Variants in SPON1 observed in about 807,000 individuals in gnomAD.
The protein encoded by SPON1 is spondin 1, also known as spondin-1.
SPON1 carries 52 observed loss-of-function variants against 111.7 expected under a neutral mutation model. The ratio of observed to expected loss-of-function variants is 0.47; its 90% CI spans 0.37 to 0.59. SPON1 has a LOEUF of 0.59. Ranked by LOEUF, SPON1 falls within the 20% of genes least tolerant of loss-of-function variation. The pLI is 0.00. For missense variants in SPON1, 957 were observed against 1,068.5 expected, an observed-to-expected ratio of 0.90 and a Z score of 1.46; for synonymous variants, 410 against 395.8, an observed-to-expected ratio of 1.04 and a Z score of -0.43.
At chr11:14,034,935 C>A (rs1003673518) in intron 2 of SPON1, among the ~76,000 whole-genome samples, 27 of 152,226 alleles carry the variant, frequency 1.8e-4, no homozygotes, top group South Asian at 4.1e-4. Flanking sequence ...TGCCAAAGTT[C>A]TCTGCGACCA....
At chr11:14,077,948 G>A (rs1263493738) in intron 4 of SPON1, among the ~76,000 whole-genome samples, 1 of 152,190 alleles carries the variant, frequency 6.6e-6, no homozygotes, top group Non-Finnish European at 1.5e-5. Context: ...TACAGGAAGA[G>A]AGTTGCAAAG....
At chr11:13,992,804 G>C (rs1054508243) in intron 2 of SPON1, among the ~76,000 whole-genome samples, 6 of 151,968 alleles carry the variant, frequency 3.9e-5, no homozygotes, top group Non-Finnish European at 7.4e-5. Flanking sequence ...TTGTGTAGGG[G>C]AGAAAATTCC....
intron 2 of SPON1, among the ~76,000 whole-genome samples, chr11:14,021,937 A>G (rs1174390997): frequency 2.0e-5 from 3 of 152,130 alleles, no homozygotes; most frequent in Admixed American, 6.5e-5. Context: ...TAATTAACTC[A>G]CCCACATTTC....
intron 3 of SPON1, among the ~76,000 whole-genome samples, chr11:14,064,855 C>T (rs1323033845): frequency 6.6e-6 from 1 of 152,122 alleles, no homozygotes; most frequent in Admixed American, 6.5e-5. Flanking sequence ...TGTGTGTGTC[C>T]TTCCTTAGGG....
At chr11:14,208,183 A>G (rs868918561) in intron 6 of SPON1, among the ~76,000 whole-genome samples, 4 of 152,114 alleles carry the variant, frequency 2.6e-5, no homozygotes, top group Non-Finnish European at 5.9e-5. Flanking sequence ...GAGGGGAACA[A>G]TGCATGCTGG....
chr11:14,240,059 C>T (rs1848908853), intron 6 of SPON1, among the ~76,000 whole-genome samples: 1 of 152,186 alleles, frequency 6.6e-6, no homozygotes, highest in Non-Finnish European at 1.5e-5. Context: ...GAGTCTTCAT[C>T]ACAGCATCAT....
At chr11:14,023,827 C>A (rs569451794) in intron 2 of SPON1, among the ~76,000 whole-genome samples, 6 of 152,158 alleles carry the variant, frequency 3.9e-5, no homozygotes, top group African/African-American at 1.4e-4. Flanking sequence ...CATGGTGAAA[C>A]CCCATCTCTA....
chr11:14,031,489 TTTCTG>T, intron 2 of SPON1, among the ~76,000 whole-genome samples: 1 of 152,278 alleles, frequency 6.6e-6, no homozygotes, highest in Non-Finnish European at 1.5e-5. Context: ...TCAAATTATG[TTTCTG>T]TTAAGTTCAG....
At chr11:14,168,547 C>G (rs1226173316) in intron 6 of SPON1, among the ~76,000 whole-genome samples, 2 of 151,892 alleles carry the variant, frequency 1.3e-5, no homozygotes, top group Non-Finnish European at 2.9e-5. Context: ...TACATGTGCA[C>G]AACGTGCAGG....
At position 13,963,042 on chromosome 11, in the gene SPON1, T is replaced by C; in HGVS notation, c.138T>C (p.Arg46=). The change falls in exon 1 of 16, where the codon CGT becomes CGC. Residue 46 remains arginine (R), a synonymous_variant. Coordinates refer to ENST00000576479, the MANE Select transcript of SPON1 (RefSeq NM_006108.4). ...CCAAGTCAGAGGGCTACTGCAGCCGTATCCTGCGCGCCCAGGGCACGCGGC... is the reference window on the plus strand; with the variant it reads ...CCAAGTCAGAGGGCTACTGCAGCCGCATCCTGCGCGCCCAGGGCACGCGGC... ...KVPKSEGYCS[R]ILRAQGTRRE... The C allele has an allele frequency of 6.3e-7, 1 of 1,583,672 alleles. No homozygotes were observed. The highest frequency in any genetic ancestry group is 8.6e-7 in the Non-Finnish European group (1 of 1,166,238).
intron 6 of SPON1, among the ~76,000 whole-genome samples, chr11:14,177,007 C>T (rs1350995838): frequency 1.3e-5 from 2 of 152,114 alleles, no homozygotes; most frequent in African/African-American, 4.8e-5. Context: ...AAATCAGTCT[C>T]CCTGAGCATC....
At chr11:14,240,601 G>GTA (rs1315989470) in intron 6 of SPON1, among the ~76,000 whole-genome samples, 2 of 149,282 alleles carry the variant, frequency 1.3e-5, no homozygotes, top group Non-Finnish European at 3.0e-5. Context: ...GTGTGTGTGT[G>GTA]TGTGTGTGTG....
intron 2 of SPON1, among the ~76,000 whole-genome samples, chr11:13,986,421 T>TTA (rs1195341095): frequency 6.6e-6 from 1 of 152,158 alleles, no homozygotes; most frequent in Non-Finnish European, 1.5e-5. Context: ...TATGATATTG[T>TTA]TATATATATA....
chr11:14,153,798 TA>T (rs528631238), intron 6 of SPON1, among the ~76,000 whole-genome samples: 1 of 151,874 alleles, frequency 6.6e-6, no homozygotes, highest in African/African-American at 2.4e-5. Flanking sequence ...GTGTGTAAAA[TA>T]AAAAAACAAG....
intron 6 of SPON1, among the ~76,000 whole-genome samples, chr11:14,143,169 T>A (rs1219997072): frequency 6.6e-6 from 1 of 152,224 alleles, no homozygotes; most frequent in Non-Finnish European, 1.5e-5. Context: ...CTGCATCAGA[T>A]ATCTACCCTT....
At position 14,259,281 on chromosome 11, in the gene SPON1, C is replaced by G. The variant is rs201172887; in HGVS notation, c.1494C>G (p.Asp498Glu). 6.2e-7 allele frequency: 1 copy of G among 1,609,830 alleles called. No individual in the cohort carries two copies. Among genetic ancestry groups the G allele is most frequent in the African/African-American group, 1.3e-5 (1 of 74,990 alleles). ...PCMGPGCSDE[D>E]GSTCTMSEWI... ...CAGCGTTCACTCGGTGTGTTGCAGA[C>G]GGCTCCACCTGCACCATGTCCGAGT... The change falls in exon 12 of 16, where the codon GAC becomes GAG. Residue 498 changes from aspartate (D) to glutamate (E), a missense_variant and splice_region_variant. This residue lies in a region of SPON1 where 549 missense variants were observed against 606.2 expected (regional missense o/e 0.91). Transcript: ENST00000576479. This position sits in a 1 kb window ranked among gnomAD's most constrained non-coding sequence, Gnocchi z 5.0.
chr11:14,226,946 T>G (rs923303249), intron 6 of SPON1, among the ~76,000 whole-genome samples: 2 of 152,114 alleles, frequency 1.3e-5, no homozygotes, highest in Admixed American at 6.6e-5. Flanking sequence ...CCTTCCCCTC[T>G]CCTTTAGTCA....
rs965855245 is a variant in SPON1, at chr11:14,260,659, C to T, written c.1903C>T (p.Arg635Ter). 1.9e-6 allele frequency: 3 copies of T among 1,613,962 alleles called. No individual in the cohort carries two copies. The highest frequency in any genetic ancestry group is 2.5e-6 in the Non-Finnish European group (3 of 1,179,900). The change falls in exon 14 of 16, where the codon CGA becomes TGA. Residue 635 changes from arginine to a stop codon, truncating the protein, a stop_gained. Coordinates refer to ENST00000576479, the MANE Select transcript of SPON1 (RefSeq NM_006108.4). LOFTEE classifies it high-confidence loss of function. ...CAGCGTGACCTGCGGGAAGGGCATG[C>T]GAACCCGACAGCGGATGCTCAAGTC... ...DCSVTCGKGM[R>*]TRQRMLKSLA...
chr11:14,088,032 G>A (rs536051577), intron 5 of SPON1, among the ~76,000 whole-genome samples: 6 of 152,038 alleles, frequency 3.9e-5, no homozygotes, highest in African/African-American at 1.4e-4. Context: ...GCCTTTGCAT[G>A]TGAGATGGGT....
Sources: allele counts gnomAD v4.1 joint callset (sites outside exome capture counted in the v4.1 genomes callset), GRCh38; gene constraint gnomAD v4.1.1; regional missense constraint gnomAD v4.1.1; non-coding constraint Gnocchi (gnomAD v3.1); transcripts MANE v1.5; gene names NCBI Gene and HGNC (gene_info 2026-07-23, HGNC 2026-07-21).